The following KCNT1 variants were observed in gnomAD, a reference collection of about 807,000 sequenced individuals.
KCNT1 encodes potassium channel subfamily T member 1.
KCNT1 carries 78 observed loss-of-function variants against 147.8 expected under a neutral mutation model. The observed-to-expected ratio is 0.53, with a 90% CI of 0.44 to 0.64. KCNT1 has a LOEUF of 0.64. KCNT1 is among the 30% of genes least tolerant of loss of function. The pLI, the probability that KCNT1 is intolerant of heterozygous loss-of-function variation, is 0.00. For synonymous variants in KCNT1, 867 were observed against 748.8 expected, an observed-to-expected ratio of 1.16 and a Z score of -2.58; for missense variants, 1,419 against 1,750.3, an observed-to-expected ratio of 0.81 and a Z score of 3.38.
At chr9:135,759,018 G>A (rs1199221928) in intron 10 of KCNT1, among the ~76,000 whole-genome samples, 2 of 152,260 alleles carry the variant, frequency 1.3e-5, no homozygotes, top group East Asian at 1.9e-4. Context: ...AGGCAGGGAT[G>A]TCAGGCAAGC....
intron 1 of KCNT1, among the ~76,000 whole-genome samples, chr9:135,703,508 CGTGT>C (rs1308539200): frequency 6.6e-6 from 1 of 152,164 alleles, no homozygotes; most frequent in Non-Finnish European, 1.5e-5. Flanking sequence ...CGGGGTACAG[CGTGT>C]GTGAGGAGCA....
At chr9:135,709,200 G>A (rs1835379426) in intron 1 of KCNT1, among the ~76,000 whole-genome samples, 1 of 152,128 alleles carries the variant, frequency 6.6e-6, no homozygotes, top group African/African-American at 2.4e-5. Context: ...TGTGGAAAGC[G>A]GTCGTGTTTA....
Position 135,784,136 on chromosome 9 carries a change from A to T in KCNT1, c.2943+11A>T, listed in dbSNP as rs1405894140. ...ACACTGCTCTACCAGGTCAGCGGGG[A>T]AGCGGCAGCAGGAGGGTGGCGCCTG... On this transcript the variant is annotated intron_variant, in intron 25 of 30. Transcript: ENST00000371757. 1 of 1,599,806 alleles carries T rather than the reference A, an allele frequency of 6.3e-7. No homozygotes were observed. Among genetic ancestry groups the T allele is most frequent in the South Asian group, 1.1e-5 (1 of 91,024 alleles).
At chr9:135,783,082 C>G (rs1260846895) in intron 24 of KCNT1, among the ~76,000 whole-genome samples, 1 of 152,184 alleles carries the variant, frequency 6.6e-6, no homozygotes, top group South Asian at 2.1e-4. Flanking sequence ...GCTTGGAGGC[C>G]GAGCTCCAGG....
At chr9:135,720,281 C>A (rs11792903) in intron 2 of KCNT1, among the ~76,000 whole-genome samples, 39,975 of 151,728 alleles carry the variant, frequency 0.26, 5,965 homozygotes, top group Middle Eastern at 0.51. Flanking sequence ...GGTGAAGGCC[C>A]CACCAGGCCT....
In KCNT1 at chr9:135,784,129, A is replaced by G; in HGVS notation, c.2943+4A>G. 2 of 1,601,808 alleles carry G rather than the reference A, an allele frequency of 1.2e-6. No homozygotes were observed. The highest frequency in any genetic ancestry group is 4.5e-5 in the East Asian group (2 of 44,864). ...GTTGGACACACTGCTCTACCAGGTC[A>G]GCGGGGAAGCGGCAGCAGGAGGGTG... On this transcript the variant is annotated splice_donor_region_variant and intron_variant, in intron 25 of 30. Transcript: ENST00000371757.
rs2131605777 is a variant in KCNT1 at position 135,792,025 on chromosome 9, CTG to C, written c.3588-13_3588-12del. 8.7e-6 allele frequency: 14 copies of C among 1,603,692 alleles called. No individual in the cohort carries two copies. Among genetic ancestry groups the C allele is most frequent in the Non-Finnish European group, 1.2e-5 (14 of 1,178,928 alleles). ...CGGCCCACATCCACTCCAGGGTCCT[CTG>C]TGCCCTCCCGCAGCTATCTCATCCG... is the stretch of plus-strand genomic sequence containing the variant. On this transcript the variant is annotated splice_polypyrimidine_tract_variant and intron_variant, in intron 30 of 30. Transcript: ENST00000371757.
At chr9:135,777,107 G>A (rs1013603313) in intron 20 of KCNT1, among the ~76,000 whole-genome samples, 11 of 152,188 alleles carry the variant, frequency 7.2e-5, no homozygotes, top group Middle Eastern at 3.2e-3. Context: ...CATGGACACC[G>A]CCCTTTCCAC....
At chr9:135,712,386 G>T (rs905800562) in intron 1 of KCNT1, among the ~76,000 whole-genome samples, 1 of 152,192 alleles carries the variant, frequency 6.6e-6, no homozygotes, top group Non-Finnish European at 1.5e-5. Flanking sequence ...GGGGGTCCTA[G>T]ATTTCCTCCA....
rs937102269 is a variant in KCNT1 at position 135,794,597 on chromosome 9, ACCCAGCG to A, written c.*2444_*2450del. On this transcript the variant is annotated 3_prime_UTR_variant, in exon 31 of 31. Coordinates refer to ENST00000371757, the MANE Select transcript of KCNT1 (RefSeq NM_020822.3). ...GCGGGCAGCCGTGGACACAGGTGGCACCCAGCGCCCAGCGGCCTGTGAATCCTCCCGT... is the reference window on the plus strand; with the variant it reads ...GCGGGCAGCCGTGGACACAGGTGGCACCCAGCGGCCTGTGAATCCTCCCGT... 1.8e-4 allele frequency: 27 copies of A among 152,326 alleles called. No homozygotes were observed. Among genetic ancestry groups the A allele is most frequent in the African/African-American group, 4.8e-4 (20 of 41,576 alleles). The allele number at this position is 152,326 out of a possible 1,614,324, so 9.4% of individuals were successfully genotyped here.
chr9:135,763,372 C>T (rs547443947), intron 11 of KCNT1, among the ~76,000 whole-genome samples: 1 of 152,346 alleles, frequency 6.6e-6, no homozygotes, highest in African/African-American at 2.4e-5. Flanking sequence ...CCGAGGCCCT[C>T]GCTCACGAGC....
chr9:135,744,228 C>G (rs1588297335), intron 2 of KCNT1, among the ~76,000 whole-genome samples: 1 of 152,386 alleles, frequency 6.6e-6, no homozygotes, highest in Middle Eastern at 3.4e-3. Context: ...AGTCCCCCAG[C>G]CTGCAGCTGG....
chr9:135,732,934 G>A (rs560165100), intron 2 of KCNT1, among the ~76,000 whole-genome samples: 1 of 151,952 alleles, frequency 6.6e-6, no homozygotes, highest in Non-Finnish European at 1.5e-5. Flanking sequence ...AGTGACCAAA[G>A]TCAGGACACA....
At chr9:135,778,347 AG>A in intron 21 of KCNT1, 76 bp from the exon 22 acceptor site, 1 of 1,348,086 alleles carries the variant, frequency 7.4e-7, no homozygotes, top group Non-Finnish European at 1.0e-6. Flanking sequence ...CTGTGCATGG[AG>A]GGTAGGGCCC....
At chr9:135,765,930 CGGGGTGGACCATTTAGGGTGGATCGTCT>C (rs1421632351) in intron 13 of KCNT1, among the ~76,000 whole-genome samples, 170 bp downstream of exon 13, 62 of 151,716 alleles carry the variant, frequency 4.1e-4, no homozygotes, top group African/African-American at 1.4e-3. Flanking sequence ...GTGGATCGTC[CGGGGTGGACCATTTAGGGTGGATCGTCT>C]GGGGTGGACC....
chr9:135,718,658 C>T (rs1347638968), intron 2 of KCNT1, among the ~76,000 whole-genome samples: 9 of 152,224 alleles, frequency 5.9e-5, no homozygotes, highest in Non-Finnish European at 1.0e-4. Flanking sequence ...GGGCTCAGCA[C>T]AGACTGGCAC....
intron 1 of KCNT1, among the ~76,000 whole-genome samples, chr9:135,706,718 C>G (rs1362362424): frequency 1.3e-5 from 2 of 152,214 alleles, no homozygotes; most frequent in African/African-American, 4.8e-5. Context: ...TTGCCTGGGG[C>G]AGACCCCAGC....
intron 28 of KCNT1, 98 bp from the exon 29 acceptor site, chr9:135,786,099 T>G (rs1834022669): frequency 2.7e-6 from 3 of 1,115,964 alleles, no homozygotes; most frequent in Non-Finnish European, 3.8e-6. Context: ...GGCCCCAAGC[T>G]GCAGAGCCCA....
intron 15 of KCNT1, 147 bp from the exon 16 acceptor site, chr9:135,769,800 G>A (rs1832618549): frequency 1.6e-6 from 1 of 634,996 alleles, no homozygotes; most frequent in Admixed American, 2.4e-5. Context: ...CAGACTCTCG[G>A]GGCAGAGATG....
Sources: gnomAD v4.1 joint callset for allele counts (sites outside exome capture counted in the v4.1 genomes callset) on GRCh38, gnomAD v4.1.1 for gene constraint, MANE v1.5 for transcripts, NCBI Gene and HGNC (gene_info 2026-07-23, HGNC 2026-07-21) for gene names.